GALE: variants seen among roughly 807,000 people sequenced by gnomAD.
GALE encodes UDP-glucose 4-epimerase.
Under a neutral mutation model 44.1 loss-of-function variants are expected in GALE, and 32 were observed. That is an observed-to-expected ratio of 0.73 (90% CI 0.55 to 0.97). The LOEUF (loss-of-function observed/expected upper bound fraction) is 0.97, where lower values mean the gene tolerates loss of function less well. Among genes scored for constraint, GALE ranks in the 50% least tolerant of loss-of-function variants. The pLI is 0.00. For missense variants in GALE, 423 were observed against 455.6 expected, an observed-to-expected ratio of 0.93 and a Z score of 0.65; for synonymous variants, 182 against 183.5, an observed-to-expected ratio of 0.99 and a Z score of 0.06.
At position 23,796,922 on chromosome 1, in the gene GALE, C is replaced by A. The variant is rs998236160; in HGVS notation, c.663G>T (p.Glu221Asp). Residue 221 changes from glutamate (E) to aspartate (D), a missense_variant, in exon 8 of 12, where the codon GAG becomes GAT. By Grantham distance (45) the Glu-to-Asp change is conservative. Coordinates refer to ENST00000617979, the MANE Select transcript of GALE (RefSeq NM_001008216.2). This position sits in a 1 kb window ranked among gnomAD's most constrained non-coding sequence, Gnocchi z 5.2. ...YVSQVAIGRR[E>D]ALNVFGNDYD... ...AGTCATTGCCAAAGACATTCAGGGC[C>A]TCCCGTCGCCCGATCGCCACCTGGA... is the stretch of plus-strand genomic sequence containing the variant. 6.2e-7 allele frequency: 1 copy of A among 1,613,708 alleles called. No homozygotes were observed. The highest frequency in any genetic ancestry group is 1.3e-5 in the African/African-American group (1 of 75,020).
rs370617277 is a variant in GALE, at chr1:23,796,666, C to G, written c.795+31G>C. 2 of 1,613,806 alleles carry G rather than the reference C, an allele frequency of 1.2e-6. No individual in the cohort carries two copies. The highest frequency in any genetic ancestry group is 1.7e-6 in the Non-Finnish European group (2 of 1,179,838). ...GCCGCTCTGCCTGGATCTGGTCCCTCCCCTCCCTCACTTCTCCCTTCTCTT... is the reference window on the plus strand; with the variant it reads ...GCCGCTCTGCCTGGATCTGGTCCCTGCCCTCCCTCACTTCTCCCTTCTCTT... On this transcript the variant is annotated intron_variant, in intron 9 of 11. Transcript: ENST00000617979. The surrounding 1 kb of genome is among the most constrained non-coding windows in gnomAD (Gnocchi z 5.2).
In GALE at chr1:23,796,080, T is replaced by C; in HGVS notation, c.988+71A>G. On this transcript the variant is annotated intron_variant, in intron 11 of 11. Coordinates refer to ENST00000617979, the MANE Select transcript of GALE (RefSeq NM_001008216.2). The surrounding 1 kb of genome is among the most constrained non-coding windows in gnomAD (Gnocchi z 5.2). ...GCCTCCCCCACCCCACAGCCCGCCC[T>C]GGGTGGGCATGCCCAGATCTGATTT... 6.4e-7 allele frequency: 1 copy of C among 1,559,696 alleles called. No individual in the cohort carries two copies. Among genetic ancestry groups the C allele is most frequent in the Non-Finnish European group, 8.8e-7 (1 of 1,131,344 alleles).
chr1:23,796,472 G>C lies in GALE; in HGVS notation c.873+37C>G. The C allele has an allele frequency of 6.4e-7, 1 of 1,564,812 alleles. No homozygotes were observed. Reference sequence around the variant, plus strand: ...GCTCTGTTGCTGAGAGCTGGGTGGGGTGAGGTGGGTGAGGTGGGTGGGGCG... The same window carrying C: ...GCTCTGTTGCTGAGAGCTGGGTGGGCTGAGGTGGGTGAGGTGGGTGGGGCG... On this transcript the variant is annotated intron_variant, in intron 10 of 11. Coordinates refer to ENST00000617979, the MANE Select transcript of GALE (RefSeq NM_001008216.2). The surrounding 1 kb of genome is among the most constrained non-coding windows in gnomAD (Gnocchi z 5.2).
Position 23,797,140 on chromosome 1 carries a change from T to TTCCAAGTCTGTGGGATGTGGGTCAGGTGG in GALE, c.529-22_535dup (p.Asn179ThrfsTer3). On this transcript the variant is annotated stop_gained and frameshift_variant, in exon 7 of 12. Coordinates refer to ENST00000617979, the MANE Select transcript of GALE (RefSeq NM_001008216.2). LOFTEE classifies it high-confidence loss of function. ...GTTGAAATAGCGCAGCAGCACTGCG[T>TTCCAAGTCTGTGGGATGTGGGTCAGGTGG]TCCAAGTCTGTGGGATGTGGGTCAG... is the stretch of plus-strand genomic sequence containing the variant. 3 of 1,606,748 alleles carry TTCCAAGTCTGTGGGATGTGGGTCAGGTGG rather than the reference T, an allele frequency of 1.9e-6. No individual in the cohort carries two copies. The highest frequency in any genetic ancestry group is 2.5e-6 in the Non-Finnish European group (3 of 1,176,736).
Position 23,798,982 on chromosome 1 carries a change from C to T in GALE, c.26G>A (p.Gly9Asp). ...GTGGCTGCCAATGTAGCCAGCCCCA[C>T]CTGTTACCAGCACCTTCTCTGCCAT... MAEKVLVT[G>D]GAGYIGSHTV... Residue 9 changes from glycine to aspartate, a missense_variant, in exon 3 of 12, where the codon GGT becomes GAT. Gly to Asp is a moderately conservative substitution (Grantham distance 94). Transcript: ENST00000617979. The surrounding 1 kb of genome is among the most constrained non-coding windows in gnomAD (Gnocchi z 4.5). 6.2e-7 allele frequency: 1 copy of T among 1,614,232 alleles called. No individual in the cohort carries two copies. The highest frequency in any genetic ancestry group is 8.5e-7 in the Non-Finnish European group (1 of 1,180,042).
rs373260456 is a variant in GALE at position 23,796,919 on chromosome 1, G to T, written c.666C>A (p.Ala222=). Residue 222 remains alanine (A), a synonymous_variant, in exon 8 of 12, where the codon GCC becomes GCA. Coordinates refer to ENST00000617979, the MANE Select transcript of GALE (RefSeq NM_001008216.2). The surrounding 1 kb of genome is among the most constrained non-coding windows in gnomAD (Gnocchi z 5.2). ...CATAGTCATTGCCAAAGACATTCAG[G>T]GCCTCCCGTCGCCCGATCGCCACCT... ...VSQVAIGRRE[A]LNVFGNDYDT... 7.4e-6 allele frequency: 12 copies of T among 1,613,520 alleles called. No homozygotes were observed. The highest frequency in any genetic ancestry group is 1.7e-5 in the Admixed American group (1 of 59,936).
At position 23,796,407 on chromosome 1, in the gene GALE, C is replaced by G; in HGVS notation, c.873+102G>C. 5 of 1,452,840 alleles carry G rather than the reference C, an allele frequency of 3.4e-6. No individual in the cohort carries two copies. The highest frequency in any genetic ancestry group is 4.8e-6 in the Non-Finnish European group (5 of 1,041,694). The allele number at this position is 1,452,840 out of a possible 1,614,324, so 90.0% of individuals were successfully genotyped here. ...GCAGGCTGAGGAGACTGGGCAGTGC[C>G]AGGTACCCTCCAGAGAGGTGAGTGG... is the stretch of plus-strand genomic sequence containing the variant. On this transcript the variant is annotated intron_variant, in intron 10 of 11. Transcript: ENST00000617979. This position sits in a 1 kb window ranked among gnomAD's most constrained non-coding sequence, Gnocchi z 5.2.
chr1:23,799,383 T>A lies in GALE; in HGVS notation c.-23A>T. 2.9e-6 allele frequency: 1 copy of A among 342,466 alleles called. No individual in the cohort carries two copies. Among genetic ancestry groups the A allele is most frequent in the Non-Finnish European group, 5.7e-6 (1 of 175,292 alleles). The allele number at this position is 342,466 out of a possible 1,614,324, so 21.2% of individuals were successfully genotyped here. On this transcript the variant is annotated 5_prime_UTR_variant, in exon 2 of 12. Transcript: ENST00000617979. ...CCACTTGCCTTGGAGTTGGAAAAGA[T>A]GGAATCTGAGGATCCACACTTCTTT...
In GALE at chr1:23,798,098, CCT is replaced by C. The variant is rs1426115565; in HGVS notation, c.351+17_351+18del. ...CTGGACACCCTCCTAGTGTCTGTGC[CCT>C]GTCCCATGCCTCTCACCTCCAGAAG... On this transcript the variant is annotated intron_variant, in intron 5 of 11. Coordinates refer to ENST00000617979, the MANE Select transcript of GALE (RefSeq NM_001008216.2). The surrounding 1 kb of genome is among the most constrained non-coding windows in gnomAD (Gnocchi z 4.5). 7 of 1,585,256 alleles carry C rather than the reference CCT, an allele frequency of 4.4e-6. No homozygotes were observed. Among genetic ancestry groups the C allele is most frequent in the Non-Finnish European group, 6.1e-6 (7 of 1,153,740 alleles).
At chr1:23,797,636 G>T in intron 6 of GALE, 59 bp downstream of exon 6, 1 of 1,541,194 alleles carries the variant, frequency 6.5e-7, no homozygotes, top group Non-Finnish European at 9.0e-7. Flanking sequence ...TGGGCTCAGG[G>T]TGGGCCCTGA....
At chr1:23,799,286 G>C in intron 2 of GALE, 80 bp downstream of exon 2, 1 of 484,254 alleles carries the variant, frequency 2.1e-6, no homozygotes, top group Non-Finnish European at 3.8e-6. Context: ...TGAGGGTTCA[G>C]TGAGGTGATC....
Position 23,798,014 on chromosome 1 carries a change from G to A in GALE, c.351+103C>T. 7.6e-7 allele frequency: 1 copy of A among 1,319,678 alleles called. No individual in the cohort carries two copies. Among genetic ancestry groups the A allele is most frequent in the African/African-American group, 1.4e-5 (1 of 69,158 alleles). 81.7% of individuals were successfully genotyped at this position (1,319,678 alleles called of 1,614,324 possible). ...CTGAGACTGGGAGGTAAAGACATGA[G>A]TCCAGGATGATACAGCTTGGGCTCT... On this transcript the variant is annotated intron_variant, in intron 5 of 11. Transcript: ENST00000617979. The surrounding 1 kb of genome is among the most constrained non-coding windows in gnomAD (Gnocchi z 4.5).
intron 6 of GALE, 30 bp from the exon 7 acceptor site, chr1:23,797,177 A>G (rs1315723771): frequency 6.6e-7 from 1 of 1,504,146 alleles, no homozygotes; most frequent in South Asian, 1.2e-5. Context: ...TGGTGAGGCC[A>G]GAGGCACAGG....
In GALE at chr1:23,797,002, G is replaced by A. The variant is rs1487799378; in HGVS notation, c.642+32C>T. The A allele has an allele frequency of 2.5e-6, 4 of 1,607,966 alleles. No individual in the cohort carries two copies. The African/African-American group carries it at 5.3e-5, about 21-fold the overall frequency. On this transcript the variant is annotated intron_variant, in intron 7 of 11. Coordinates refer to ENST00000617979, the MANE Select transcript of GALE (RefSeq NM_001008216.2). ...CCCAGGCACCAGCTTTAACCCCAGG[G>A]CCACTCCTCTGTCCCTTCCCTTTTG...
At chr1:23,800,553 C>G (rs1240854261) in intron 1 of GALE, 159 bp downstream of exon 1, 1 of 152,438 alleles carries the variant, frequency 6.6e-6, no homozygotes. Flanking sequence ...GAACCCCGGC[C>G]GCCCCAGCCC....
Position 23,796,864 on chromosome 1 carries a change from T to A in GALE, c.709+12A>T. On this transcript the variant is annotated intron_variant, in intron 8 of 11. Coordinates refer to ENST00000617979, the MANE Select transcript of GALE (RefSeq NM_001008216.2). This position sits in a 1 kb window ranked among gnomAD's most constrained non-coding sequence, Gnocchi z 5.2. Reference sequence around the variant, plus strand: ...GGCTCCCACTCCTAGGTCCCCCTGGTCCTAGGCTCACCTGTGCCATCCTCT... The same window carrying A: ...GGCTCCCACTCCTAGGTCCCCCTGGACCTAGGCTCACCTGTGCCATCCTCT... The A allele has an allele frequency of 6.2e-7, 1 of 1,612,812 alleles. No individual in the cohort carries two copies. Among genetic ancestry groups the A allele is most frequent in the Middle Eastern group, 1.7e-4 (1 of 6,060 alleles).
rs772615641 is a variant in GALE at position 23,797,097 on chromosome 1, G to A, written c.579C>T (p.Ala193=). ...LRYFNPTGAH[A]SGCIGEDPQG... Reference sequence around the variant, plus strand: ...GGGGATCCTCACCAATGCAGCCAGAGGCATGGGCACCTGTGGGGTTGAAAT... The same window carrying A: ...GGGGATCCTCACCAATGCAGCCAGAAGCATGGGCACCTGTGGGGTTGAAAT... The change falls in exon 7 of 12, where the codon GCC becomes GCT. Residue 193 remains alanine (A), a synonymous_variant. Transcript: ENST00000617979. 1 of 1,613,580 alleles carries A rather than the reference G, an allele frequency of 6.2e-7. No individual in the cohort carries two copies. The highest frequency in any genetic ancestry group is 1.3e-5 in the African/African-American group (1 of 75,056).
chr1:23,799,281 G>A (rs575495392), intron 2 of GALE, 85 bp downstream of exon 2: 11 of 488,056 alleles, frequency 2.3e-5, no homozygotes, highest in Non-Finnish European at 3.8e-5. Flanking sequence ...CAGCGTGAGG[G>A]TTCAGTGAGG....
In GALE at chr1:23,796,506, T is replaced by C. The variant is rs1340981893; in HGVS notation, c.873+3A>G. ...GTGAGGTGGGTGGGGCGGGGGGGCC[T>C]ACCTTCTTCCCAGAGGCCTTCTCCA... On this transcript the variant is annotated splice_donor_region_variant and intron_variant, in intron 10 of 11. Coordinates refer to ENST00000617979, the MANE Select transcript of GALE (RefSeq NM_001008216.2). The surrounding 1 kb of genome is among the most constrained non-coding windows in gnomAD (Gnocchi z 5.2). 2 of 1,610,566 alleles carry C rather than the reference T, an allele frequency of 1.2e-6. No individual in the cohort carries two copies. Among genetic ancestry groups the C allele is most frequent in the African/African-American group, 2.7e-5 (2 of 74,726 alleles).
Sources: allele counts gnomAD v4.1 joint callset, GRCh38; gene constraint gnomAD v4.1.1; non-coding constraint Gnocchi (gnomAD v3.1); transcripts MANE v1.5; gene names NCBI Gene and HGNC (gene_info 2026-07-23, HGNC 2026-07-21).